Variants in UVRAG observed in about 807,000 individuals in gnomAD.
UVRAG encodes UV radiation resistance-associated gene protein.
UVRAG carries 19 observed loss-of-function variants against 78.0 expected under a neutral mutation model. The ratio of observed to expected loss-of-function variants is 0.24; its 90% confidence interval spans 0.17 to 0.36. The LOEUF (loss-of-function observed/expected upper bound fraction) is 0.36, where lower values mean the gene tolerates loss of function less well. UVRAG is among the 10% of genes least tolerant of loss of function. The pLI is 1.00. For synonymous variants in UVRAG, 323 were observed against 324.6 expected (o/e 1.00, Z 0.05); for missense variants, 740 against 853.8 (o/e 0.87, Z 1.66).
At chr11:75,983,195 ATTC>A (rs1949427723) in intron 7 of UVRAG, among the ~76,000 whole-genome samples, 189 bp from the exon 8 acceptor site, 1 of 152,148 alleles carries the variant, frequency 6.6e-6, no homozygotes, top group Non-Finnish European at 1.5e-5. Flanking sequence ...TTTTACTCTT[ATTC>A]TTTGCTTATT....
chr11:75,969,798 T>C (rs1456871145), intron 7 of UVRAG, among the ~76,000 whole-genome samples: 1 of 152,162 alleles, frequency 6.6e-6, no homozygotes, highest in Non-Finnish European at 1.5e-5. Flanking sequence ...CCAAAAATCG[T>C]TGTCCATGCC....
At chr11:75,929,614 C>A (rs1214650514) in intron 6 of UVRAG, among the ~76,000 whole-genome samples, 1 of 151,952 alleles carries the variant, frequency 6.6e-6, no homozygotes, top group African/African-American at 2.4e-5. Context: ...AAATGAAGCC[C>A]GTTGTCATCT....
intron 13 of UVRAG, among the ~76,000 whole-genome samples, chr11:76,077,626 TA>T (rs1951426933): frequency 1.3e-5 from 2 of 152,252 alleles, no homozygotes; most frequent in African/African-American, 4.8e-5. Flanking sequence ...AAAGTGTTGG[TA>T]TTATTATCTT....
intron 12 of UVRAG, among the ~76,000 whole-genome samples, chr11:76,051,045 T>A (rs1289573490): frequency 6.6e-6 from 1 of 152,214 alleles, no homozygotes; most frequent in Non-Finnish European, 1.5e-5. Flanking sequence ...TTATCAGCAC[T>A]GTATAAGGAA....
At chr11:75,876,993 C>A (rs58434340) in intron 3 of UVRAG, among the ~76,000 whole-genome samples, 15,152 of 149,420 alleles carry the variant, frequency 0.1, 1,559 homozygotes, top group African/African-American at 0.27. Flanking sequence ...GAGGACCCTG[C>A]GGCCTTCCGC....
At chr11:76,031,143 AGGAC>A (rs1950431106) in intron 12 of UVRAG, among the ~76,000 whole-genome samples, 1 of 152,172 alleles carries the variant, frequency 6.6e-6, no homozygotes, top group African/African-American at 2.4e-5. Context: ...TGCTCTGGCC[AGGAC>A]AATCATTATT....
At chr11:75,907,853 C>T (rs1006252329) in intron 5 of UVRAG, among the ~76,000 whole-genome samples, 12 of 151,970 alleles carry the variant, frequency 7.9e-5, no homozygotes, top group Admixed American at 7.9e-4. Flanking sequence ...CCTTGCATAC[C>T]GTGTATGAAT....
At chr11:75,837,048 G>A (rs918862400) in intron 1 of UVRAG, among the ~76,000 whole-genome samples, 1 of 151,994 alleles carries the variant, frequency 6.6e-6, no homozygotes, top group African/African-American at 2.4e-5. Context: ...AAAATCTGCT[G>A]GCCAGGAGCG....
intron 13 of UVRAG, among the ~76,000 whole-genome samples, chr11:76,078,267 G>T (rs1591210068): frequency 6.6e-6 from 1 of 152,122 alleles, no homozygotes; most frequent in African/African-American, 2.4e-5. Context: ...TTTAGGGGAA[G>T]GTAGCACAGT....
At chr11:75,984,653 C>T (rs1398599136) in intron 8 of UVRAG, among the ~76,000 whole-genome samples, 2 of 152,154 alleles carry the variant, frequency 1.3e-5, no homozygotes, top group East Asian at 3.9e-4. Context: ...CGCTTCCTTC[C>T]ATTTACCACA....
chr11:76,113,851 T>TA (rs777554740), intron 13 of UVRAG, among the ~76,000 whole-genome samples: 1,712 of 149,468 alleles, frequency 0.011, 14 homozygotes, highest in Non-Finnish European at 0.016. Context: ...TTCTATGATT[T>TA]AAAAAAAAAA....
intron 6 of UVRAG, among the ~76,000 whole-genome samples, chr11:75,960,351 T>C (rs568201466): frequency 4.5e-4 from 69 of 152,342 alleles, no homozygotes; most frequent in African/African-American, 1.6e-3. Flanking sequence ...AATTAACTTA[T>C]TAATTTTAGT....
At chr11:76,058,319 C>T (rs189360214) in intron 12 of UVRAG, among the ~76,000 whole-genome samples, 68 of 151,874 alleles carry the variant, frequency 4.5e-4, no homozygotes, top group African/African-American at 1.5e-3. Flanking sequence ...TTGCTTGAGC[C>T]CAGGAGTTCA....
intron 7 of UVRAG, among the ~76,000 whole-genome samples, chr11:75,976,335 C>G (rs539720341): frequency 6.6e-5 from 10 of 151,934 alleles, no homozygotes; most frequent in African/African-American, 2.4e-4. Context: ...TCTCTTTTTT[C>G]ATTGTGTCTC....
rs970862125 is a variant in UVRAG at position 75,859,655 on chromosome 11, A to G, written c.236-2091A>G. 2.6e-5 allele frequency among the ~76,000 whole-genome samples: 4 copies of G among 152,176 alleles called. No homozygotes were observed. The East Asian group carries it at 7.7e-4, about 29-fold the overall frequency. On this transcript the variant is annotated intron_variant, in intron 2 of 14. Coordinates refer to ENST00000356136, the MANE Select transcript of UVRAG (RefSeq NM_003369.4). ...AAGGTTAATTGACCTATCCAGGGTC[A>G]CAAAGATTGAGGTAGATTGAGGACT...
chr11:76,072,116 CAA>C (rs1473979669), intron 13 of UVRAG, among the ~76,000 whole-genome samples: 2 of 151,978 alleles, frequency 1.3e-5, no homozygotes, highest in African/African-American at 4.8e-5. Flanking sequence ...GAGAGAGAGA[CAA>C]ATACAGACAC....
chr11:75,901,690 T>A (rs1947503713), intron 5 of UVRAG, among the ~76,000 whole-genome samples: 1 of 152,234 alleles, frequency 6.6e-6, no homozygotes, highest in South Asian at 2.1e-4. Flanking sequence ...ATAGTCAGAT[T>A]TATTTTTCTA....
intron 1 of UVRAG, among the ~76,000 whole-genome samples, chr11:75,821,535 T>C (rs2135803320): frequency 6.6e-6 from 1 of 152,282 alleles, no homozygotes; most frequent in South Asian, 2.1e-4. Flanking sequence ...TTCGTAGAAA[T>C]GAGTCTCACT....
At chr11:75,815,766 G>A (rs1224948840) in intron 1 of UVRAG, among the ~76,000 whole-genome samples, 2 of 152,154 alleles carry the variant, frequency 1.3e-5, no homozygotes, top group African/African-American at 2.4e-5. Context: ...TAAGGGACAA[G>A]CAGCCAGCCA....
Sources: allele counts gnomAD v4.1 joint callset (sites outside exome capture counted in the v4.1 genomes callset), GRCh38; gene constraint gnomAD v4.1.1; transcripts MANE v1.5; gene names NCBI Gene and HGNC (gene_info 2026-07-23, HGNC 2026-07-21).